Variants in EBLN2 observed in about 807,000 individuals in gnomAD.
The protein encoded by EBLN2 is endogenous Bornavirus-like nucleoprotein 2.
For missense variants in EBLN2, 397 were observed against 324.2 expected (o/e 1.22, Z -1.72); for synonymous variants, 131 against 113.6 (o/e 1.15, Z -0.97).
chr3:73,062,183 T>A lies in EBLN2; in HGVS notation c.102T>A (p.Leu34=), dbSNP rs567348544. The change falls in exon 1 of 1, where the codon CTT becomes CTA. Residue 34 remains leucine (L), a synonymous_variant. Coordinates refer to ENST00000533473, the MANE Select transcript of EBLN2 (RefSeq NM_018029.4). ...AAAGATCTTTTAGACCTATGATTCT[T>A]AACAAAATTAAAGAATTAAGTCGGA... The part of the protein sequence containing the change: ...SYKRSFRPMI[L]NKIKELSRNQ... 1 of 1,560,166 alleles carries A rather than the reference T, an allele frequency of 6.4e-7. No individual in the cohort carries two copies. The highest frequency in any genetic ancestry group is 1.4e-5 in the African/African-American group (1 of 72,714).
chr3:73,062,281 G>A lies in EBLN2; in HGVS notation c.200G>A (p.Arg67Lys). The stretch of plus-strand genomic sequence containing the variant: ...AGCCCAGGAGATGACGCAATGGACA[G>A]GAGTGGGCTCCCTGACCTTCAAGGA... ...PSSPGDDAMD[R>K]SGLPDLQGRF... The change falls in exon 1 of 1, where the codon AGG becomes AAG. Residue 67 changes from arginine (R) to lysine (K), a missense_variant. Coordinates refer to ENST00000533473, the MANE Select transcript of EBLN2 (RefSeq NM_018029.4). 1 of 1,607,956 alleles carries A rather than the reference G, an allele frequency of 6.2e-7. No individual in the cohort carries two copies. The highest frequency in any genetic ancestry group is 8.5e-7 in the Non-Finnish European group (1 of 1,178,110).
At position 73,062,929 on chromosome 3, in the gene EBLN2, T is replaced by C; in HGVS notation, c.*29T>C. 1 of 1,581,048 alleles carries C rather than the reference T, an allele frequency of 6.3e-7. No individual in the cohort carries two copies. Among genetic ancestry groups the C allele is most frequent in the Non-Finnish European group, 8.7e-7 (1 of 1,154,572 alleles). ...CCAAGAAAGCACAGATGACAACCTA[T>C]TAATGCTGTGAGAATGTTTCTAGAT... On this transcript the variant is annotated 3_prime_UTR_variant, in exon 1 of 1. Transcript: ENST00000533473.
Position 73,062,532 on chromosome 3 carries a change from A to G in EBLN2, c.451A>G (p.Thr151Ala). Residue 151 changes from threonine to alanine, a missense_variant, in exon 1 of 1, where the codon ACT (threonine) becomes GCT (alanine). Coordinates refer to ENST00000533473, the MANE Select transcript of EBLN2 (RefSeq NM_018029.4). Reference sequence around the variant, plus strand: ...TGTTGGTGTGAGCAAGAGGTCTAATACTGTGGTTGGGAATGAGAACGAGGA... The same window carrying G: ...TGTTGGTGTGAGCAAGAGGTCTAATGCTGTGGTTGGGAATGAGAACGAGGA... Reference protein sequence around the residue: ...LSVGVSKRSNTVVGNENEERG... With the variant: ...LSVGVSKRSNAVVGNENEERG... 6.2e-7 allele frequency: 1 copy of G among 1,613,924 alleles called. No homozygotes were observed. Among genetic ancestry groups the G allele is most frequent in the South Asian group, 1.1e-5 (1 of 91,072 alleles).
At position 73,062,141 on chromosome 3, in the gene EBLN2, C is replaced by T. The variant is rs1360862713; in HGVS notation, c.60C>T (p.Val20=). 1.3e-6 allele frequency: 2 copies of T among 1,548,054 alleles called. No individual in the cohort carries two copies. Among genetic ancestry groups the T allele is most frequent in the Admixed American group, 2.1e-5 (1 of 48,006 alleles). ...ATTCTCACAGTCTTTTTGTTTGGGT[C>T]TGTGACAGATCTTACAAAAGATCTT... is the stretch of plus-strand genomic sequence containing the variant. ...YVNSHSLFVW[V]CDRSYKRSFR... Residue 20 remains valine, a synonymous_variant, in exon 1 of 1, where the codon GTC becomes GTT. Transcript: ENST00000533473.
At chr3:73,062,246 ACAGCCCAG>A in the EBLN2 span, 2 of 1,599,168 alleles carry the variant, frequency 1.3e-6, no homozygotes, top group African/African-American at 1.4e-5. Flanking sequence ...GAAAGGACTC[ACAGCCCAG>A]CAGCCCAGGA....
rs976948977 is a variant in EBLN2, at chr3:73,061,759, G to A, written c.-323G>A. ...TACTCTGTTACCCAGGCTGGAGTGCGGTGATGAGTGATCATAGCTCACTGC... is the reference window on the plus strand; with the variant it reads ...TACTCTGTTACCCAGGCTGGAGTGCAGTGATGAGTGATCATAGCTCACTGC... On this transcript the variant is annotated 5_prime_UTR_variant, in exon 1 of 1. Coordinates refer to ENST00000533473, the MANE Select transcript of EBLN2 (RefSeq NM_018029.4). 1.5e-5 allele frequency: 4 copies of A among 265,130 alleles called. No individual in the cohort carries two copies. The highest frequency in any genetic ancestry group is 5.2e-5 in the Admixed American group (1 of 19,284). The allele number at this position is 265,130 out of a possible 1,614,324, so 16.4% of individuals were successfully genotyped here. A position where few individuals can be genotyped will look rare whatever the true frequency, so the allele number is the denominator to read the frequency against.
rs1702899776 is a variant in EBLN2, at chr3:73,062,896, G to C, written c.815G>C (p.Ser272Thr). 6.2e-7 allele frequency: 1 copy of C among 1,610,992 alleles called. No individual in the cohort carries two copies. Among genetic ancestry groups the C allele is most frequent in the Middle Eastern group, 1.7e-4 (1 of 6,040 alleles). ...CCTCTACACAAGCTACGCAAGTCAA[G>C]TTAGTTGCCAAGAAAGCACAGATGA... ...ESPLHKLRKSS is the reference protein window; with the variant it reads ...ESPLHKLRKST Residue 272 changes from serine (S) to threonine (T), a missense_variant, in exon 1 of 1, where the codon AGT becomes ACT. By Grantham distance (58) the Ser-to-Thr change is moderately conservative. Coordinates refer to ENST00000533473, the MANE Select transcript of EBLN2 (RefSeq NM_018029.4).
exon 1 of EBLN2, chr3:73,063,318 TAAAAAA>T (rs534798966): frequency 6.5e-5 from 6 of 92,168 alleles, no homozygotes; most frequent in Admixed American, 3.4e-4. Context: ...TCTCATTATT[TAAAAAA>T]AAAAAAAAAA....
chr3:73,063,315 A>AT lies in EBLN2; in HGVS notation c.*418dup, dbSNP rs961097221. 99 of 152,988 alleles carry AT rather than the reference A, an allele frequency of 6.5e-4. No individual in the cohort carries two copies. The highest frequency in any genetic ancestry group is 6.0e-3 in the East Asian group (31 of 5,200). 9.5% of individuals were successfully genotyped at this position (152,988 alleles called of 1,614,324 possible). ...CTCCTAACATGAACTAATTCTCATT[A>AT]TTTAAAAAAAAAAAAAAAAAAAAAA... On this transcript the variant is annotated 3_prime_UTR_variant, in exon 1 of 1. Coordinates refer to ENST00000533473, the MANE Select transcript of EBLN2 (RefSeq NM_018029.4).
At position 73,062,782 on chromosome 3, in the gene EBLN2, G is replaced by A. The variant is rs1702895620; in HGVS notation, c.701G>A (p.Cys234Tyr). ...HGESADLLIS[C>Y]NAESAIGWIS... ...GAGAGTGCTGATCTGCTAATCAGCT[G>A]CAATGCAGAATCAGCCATAGGTTGG... Residue 234 changes from cysteine (C) to tyrosine (Y), a missense_variant, in exon 1 of 1, where the codon TGC (cysteine) becomes TAC (tyrosine). By Grantham distance (194) the Cys-to-Tyr change is radical. Coordinates refer to ENST00000533473, the MANE Select transcript of EBLN2 (RefSeq NM_018029.4). 4.3e-6 allele frequency: 7 copies of A among 1,613,804 alleles called. No individual in the cohort carries two copies. The highest frequency in any genetic ancestry group is 1.7e-5 in the Admixed American group (1 of 59,994).
rs776392691 is a variant in EBLN2 at position 73,062,919 on chromosome 3, T to C, written c.*19T>C. On this transcript the variant is annotated 3_prime_UTR_variant, in exon 1 of 1. Transcript: ENST00000533473. ...AAGTTAGTTGCCAAGAAAGCACAGA[T>C]GACAACCTATTAATGCTGTGAGAAT... 6.3e-7 allele frequency: 1 copy of C among 1,594,546 alleles called. No homozygotes were observed. Among genetic ancestry groups the C allele is most frequent in the South Asian group, 1.1e-5 (1 of 90,264 alleles).
At position 73,062,651 on chromosome 3, in the gene EBLN2, G is replaced by C; in HGVS notation, c.570G>C (p.Leu190Phe). 3 of 1,613,978 alleles carry C rather than the reference G, an allele frequency of 1.9e-6. No individual in the cohort carries two copies. The highest frequency in any genetic ancestry group is 2.5e-6 in the Non-Finnish European group (3 of 1,179,890). The change falls in exon 1 of 1, where the codon TTG becomes TTC. Residue 190 changes from leucine (L) to phenylalanine (F), a missense_variant. Coordinates refer to ENST00000533473, the MANE Select transcript of EBLN2 (RefSeq NM_018029.4). ...TTCTCCGCCACTGCTGTGACCTTTT[G>C]ATAGGCATTGCGGCTGGATCAAGTG... is the stretch of plus-strand genomic sequence containing the variant. ...SSVLRHCCDL[L>F]IGIAAGSSDK...
In EBLN2 at chr3:73,062,764, C is replaced by G; in HGVS notation, c.683C>G (p.Ala228Gly). ...GGAAGACTTTCACATGGTGAGAGTG[C>G]TGATCTGCTAATCAGCTGCAATGCA... ...SIGRLSHGES[A>G]DLLISCNAES... Residue 228 changes from alanine to glycine, a missense_variant, in exon 1 of 1, where the codon GCT becomes GGT. Physicochemically the swap from Ala to Gly is moderately conservative, Grantham distance 60. Transcript: ENST00000533473. 1 of 1,613,940 alleles carries G rather than the reference C, an allele frequency of 6.2e-7. No homozygotes were observed.
Position 73,062,164 on chromosome 3 carries a change from C to A in EBLN2, c.83C>A (p.Ser28Tyr), listed in dbSNP as rs773180356. ...VWVCDRSYKR[S>Y]FRPMILNKIK... ...GTCTGTGACAGATCTTACAAAAGAT[C>A]TTTTAGACCTATGATTCTTAACAAA... Residue 28 changes from serine to tyrosine, a missense_variant, in exon 1 of 1, where the codon TCT (serine) becomes TAT (tyrosine). Ser to Tyr is a moderately radical substitution (Grantham distance 144, BLOSUM62 -2). Transcript: ENST00000533473. 3.2e-6 allele frequency: 5 copies of A among 1,550,670 alleles called. No individual in the cohort carries two copies. Among genetic ancestry groups the A allele is most frequent in the Non-Finnish European group, 3.5e-6 (4 of 1,150,484 alleles).
rs1451332122 is a variant in EBLN2, at chr3:73,062,106, G to A, written c.25G>A (p.Ala9Thr). The change falls in exon 1 of 1, where the codon GCT (alanine) becomes ACT (threonine). Residue 9 changes from alanine (A) to threonine (T), a missense_variant. Ala to Thr is a moderately conservative substitution (Grantham distance 58, BLOSUM62 0). Coordinates refer to ENST00000533473, the MANE Select transcript of EBLN2 (RefSeq NM_018029.4). MGYFLKLY[A>T]YVNSHSLFVW... Reference sequence around the variant, plus strand: ...AATGGGTTATTTTCTTAAATTGTATGCTTATGTTAATTCTCACAGTCTTTT... The same window carrying A: ...AATGGGTTATTTTCTTAAATTGTATACTTATGTTAATTCTCACAGTCTTTT... 15 of 1,545,522 alleles carry A rather than the reference G, an allele frequency of 9.7e-6. No individual in the cohort carries two copies. Among genetic ancestry groups the A allele is most frequent in the African/African-American group, 1.4e-5 (1 of 72,618 alleles).
chr3:73,062,817 A>T, the EBLN2 span: 1 of 1,613,990 alleles, frequency 6.2e-7, no homozygotes, highest in Non-Finnish European at 8.5e-7. Context: ...GATCAGCTCA[A>T]GACCATGGGT....
Position 73,062,465 on chromosome 3 carries a change from C to A in EBLN2, c.384C>A (p.Phe128Leu). Residue 128 changes from phenylalanine (F) to leucine (L), a missense_variant, in exon 1 of 1, where the codon TTC (phenylalanine) becomes TTA (leucine). Coordinates refer to ENST00000533473, the MANE Select transcript of EBLN2 (RefSeq NM_018029.4). ...HFHPVTPSLV[F>L]LCFIFDGLHQ... Reference sequence around the variant, plus strand: ...ACCCTGTGACCCCAAGTTTAGTATTCTTGTGTTTCATATTTGATGGGTTAC... The same window carrying A: ...ACCCTGTGACCCCAAGTTTAGTATTATTGTGTTTCATATTTGATGGGTTAC... 2 of 1,612,790 alleles carry A rather than the reference C, an allele frequency of 1.2e-6. No individual in the cohort carries two copies. The highest frequency in any genetic ancestry group is 2.2e-5 in the East Asian group (1 of 44,864).
rs754168109 is a variant in EBLN2 at position 73,062,774 on chromosome 3, A to C, written c.693A>C (p.Leu231=). ...CACATGGTGAGAGTGCTGATCTGCT[A>C]ATCAGCTGCAATGCAGAATCAGCCA... The part of the protein sequence containing the change: ...RLSHGESADL[L]ISCNAESAIG... The change falls in exon 1 of 1, where the codon CTA becomes CTC. Residue 231 remains leucine, a synonymous_variant. Coordinates refer to ENST00000533473, the MANE Select transcript of EBLN2 (RefSeq NM_018029.4). 2 of 1,613,900 alleles carry C rather than the reference A, an allele frequency of 1.2e-6. No homozygotes were observed. Among genetic ancestry groups the C allele is most frequent in the African/African-American group, 2.7e-5 (2 of 75,030 alleles).
At position 73,062,425 on chromosome 3, in the gene EBLN2, A is replaced by G. The variant is rs374990636; in HGVS notation, c.344A>G (p.His115Arg). Reference protein sequence around the residue: ...KAAKSMLDPAHKSHFHPVTPS... With the variant: ...KAAKSMLDPARKSHFHPVTPS... ...GCCAAGTCTATGCTAGACCCAGCAC[A>G]TAAATCTCATTTCCACCCTGTGACC... Residue 115 changes from histidine (H) to arginine (R), a missense_variant, in exon 1 of 1, where the codon CAT (histidine) becomes CGT (arginine). Coordinates refer to ENST00000533473, the MANE Select transcript of EBLN2 (RefSeq NM_018029.4). 2.4e-5 allele frequency: 39 copies of G among 1,611,432 alleles called. No homozygotes were observed. The highest frequency in any genetic ancestry group is 2.8e-5 in the Non-Finnish European group (33 of 1,179,020).
Sources: gnomAD v4.1 joint callset for allele counts on GRCh38, gnomAD v4.1.1 for gene constraint, MANE v1.5 for transcripts, NCBI Gene and HGNC (gene_info 2026-07-23, HGNC 2026-07-21) for gene names.